Variants in CDC14A observed in about 807,000 individuals in gnomAD.
CDC14A encodes cell division cycle 14A, also known as dual specificity protein phosphatase CDC14A.
A neutral mutation model predicts 74.4 loss-of-function variants in CDC14A; 53 were observed. That is an observed-to-expected ratio of 0.71 (90% CI 0.57 to 0.89). The LOEUF is 0.89. CDC14A is among the 40% of genes least tolerant of loss of function. CDC14A has a pLI of 0.00. For synonymous variants in CDC14A, 247 were observed against 258.4 expected (o/e 0.96, Z 0.43); for missense variants, 646 against 713.7 (o/e 0.91, Z 1.08).
Position 100,352,560 on chromosome 1 carries a change from G to T in CDC14A, c.-395G>T. On this transcript the variant is annotated 5_prime_UTR_variant, in exon 1 of 16. Transcript: ENST00000336454. ...AGTCCTCCCGGCTGCCGCTCGAGTA[G>T]CCACGGGCGCGATCGGGACCAGAAG... The T allele has an allele frequency of 9.6e-7, 1 of 1,043,442 alleles. No individual in the cohort carries two copies. Among genetic ancestry groups the T allele is most frequent in the Non-Finnish European group, 1.2e-6 (1 of 867,712 alleles). 64.6% of individuals were successfully genotyped at this position (1,043,442 alleles called of 1,614,324 possible).
At chr1:100,474,611 T>G (rs12564306) in intron 10 of CDC14A, among the ~76,000 whole-genome samples, 3 of 149,676 alleles carry the variant, frequency 2.0e-5, no homozygotes, top group African/African-American at 4.9e-5. Flanking sequence ...TGGAGTGTGT[T>G]TTTTTTTTTT....
intron 11 of CDC14A, among the ~76,000 whole-genome samples, chr1:100,486,703 C>T (rs1215813649): frequency 6.6e-6 from 1 of 152,150 alleles, no homozygotes; most frequent in Non-Finnish European, 1.5e-5. Context: ...TAGCATCCCC[C>T]ATCATTATTT....
Position 100,491,544 on chromosome 1 carries a change from C to A in CDC14A, c.1138-3274C>A, listed in dbSNP as rs920786083. On this transcript the variant is annotated intron_variant, in intron 11 of 15. Coordinates refer to ENST00000336454, the MANE Select transcript of CDC14A (RefSeq NM_003672.4). The stretch of plus-strand genomic sequence containing the variant: ...TCTCTCTCTCTCTCTCTCTCTCTCT[C>A]TCTCTATATATATATATATATATAT... 7.9e-3 allele frequency among the ~76,000 whole-genome samples: 324 copies of A among 41,234 alleles called. 1 individual carries two copies. The highest frequency in any genetic ancestry group is 9.8e-3 in the African/African-American group (132 of 13,410). 27.1% of individuals were successfully genotyped at this position (41,234 alleles called of 152,430 possible). A position where few individuals can be genotyped will look rare whatever the true frequency, so the allele number is the denominator to read the frequency against.
intron 3 of CDC14A, among the ~76,000 whole-genome samples, chr1:100,390,477 A>G (rs1381638234): frequency 6.6e-6 from 1 of 152,202 alleles, no homozygotes; most frequent in Non-Finnish European, 1.5e-5. Context: ...TATTTTAATT[A>G]TTTTCCACCA....
chr1:100,519,330 A>G lies in CDC14A; in HGVS notation c.*1050A>G, dbSNP rs1286236799. 1.3e-5 allele frequency: 2 copies of G among 152,164 alleles called. No homozygotes were observed. Among genetic ancestry groups the G allele is most frequent in the African/African-American group, 2.4e-5 (1 of 41,460 alleles). The allele number at this position is 152,164 out of a possible 1,614,324, so 9.4% of individuals were successfully genotyped here. A position where few individuals can be genotyped will look rare whatever the true frequency, so the allele number is the denominator to read the frequency against. On this transcript the variant is annotated 3_prime_UTR_variant, in exon 16 of 16. Transcript: ENST00000336454. ...ACAACCCCCTGCTGCACACGCTAGC[A>G]TATCTGGAACCTACTATGAAAATGA...
chr1:100,449,606 C>T (rs1171584888), intron 7 of CDC14A, among the ~76,000 whole-genome samples: 1 of 152,168 alleles, frequency 6.6e-6, no homozygotes, highest in African/African-American at 2.4e-5. Flanking sequence ...CTGTTAAGTC[C>T]TTCTCAACCC....
chr1:100,427,757 G>C (rs954560014), intron 5 of CDC14A, among the ~76,000 whole-genome samples: 1 of 152,124 alleles, frequency 6.6e-6, no homozygotes, highest in African/African-American at 2.4e-5. Flanking sequence ...AGATGTTTAG[G>C]ACAACTTGGT....
intron 7 of CDC14A, among the ~76,000 whole-genome samples, chr1:100,450,318 T>G (rs1328751022): frequency 6.6e-6 from 1 of 152,216 alleles, no homozygotes; most frequent in Admixed American, 6.5e-5. Flanking sequence ...TTATGATGCT[T>G]CAAGACTTTG....
intron 5 of CDC14A, among the ~76,000 whole-genome samples, chr1:100,434,326 G>A (rs1664066229): frequency 6.6e-6 from 1 of 152,152 alleles, no homozygotes. Flanking sequence ...AGATGTGCAG[G>A]TTCTGTAGGA....
chr1:100,418,201 G>A (rs966091812), intron 4 of CDC14A, among the ~76,000 whole-genome samples: 1 of 151,996 alleles, frequency 6.6e-6, no homozygotes, highest in Non-Finnish European at 1.5e-5. Flanking sequence ...TTAACTTTTT[G>A]TTTTTATTGT....
intron 2 of CDC14A, among the ~76,000 whole-genome samples, chr1:100,354,600 A>G (rs1489410890): frequency 1.3e-5 from 2 of 152,268 alleles, no homozygotes; most frequent in Non-Finnish European, 2.9e-5. Context: ...TAAAACATTA[A>G]TTGAAGAGAG....
intron 8 of CDC14A, among the ~76,000 whole-genome samples, chr1:100,461,385 A>C (rs545277051): frequency 6.6e-6 from 1 of 152,370 alleles, no homozygotes; most frequent in East Asian, 1.9e-4. Context: ...CAGGGATCCA[A>C]GGCAGCAAGA....
At chr1:100,435,652 AAC>A (rs1211141895) in intron 5 of CDC14A, among the ~76,000 whole-genome samples, 1 of 151,926 alleles carries the variant, frequency 6.6e-6, no homozygotes, top group Non-Finnish European at 1.5e-5. Flanking sequence ...GACATGGTAA[AAC>A]CCTGTCTCTA....
chr1:100,438,722 C>T (rs892319862), intron 5 of CDC14A, among the ~76,000 whole-genome samples: 2 of 152,214 alleles, frequency 1.3e-5, no homozygotes, highest in African/African-American at 2.4e-5. Context: ...GTTAGGCTTT[C>T]GGGATGCTGA....
rs17420882 is a variant in CDC14A, at chr1:100,353,172, T to G, written c.49+169T>G. On this transcript the variant is annotated intron_variant, in intron 1 of 15. Coordinates refer to ENST00000336454, the MANE Select transcript of CDC14A (RefSeq NM_003672.4). Reference sequence around the variant, plus strand: ...TCTCCGAGGACCCCCTGCTTCCGGCTTCTCTTTCTTGTGTCCCTTGCTCCC... The same window carrying G: ...TCTCCGAGGACCCCCTGCTTCCGGCGTCTCTTTCTTGTGTCCCTTGCTCCC... Among the ~76,000 whole-genome samples, 33,922 of 152,168 alleles carry G rather than the reference T, an allele frequency of 0.22. 4,789 individuals are homozygous for G. Among genetic ancestry groups the G allele is most frequent in the South Asian group, 0.41 (1,953 of 4,822 alleles).
chr1:100,484,339 T>TC lies in CDC14A; in HGVS notation c.1025_1026insC (p.Lys343GlufsTer7), dbSNP rs1440062585. ...CAAGGAGACATTTTCCGATCCAAAC[T>TC]GAAAAATCGACCATCCAGTGAAGGA... On this transcript the variant is annotated frameshift_variant, in exon 11 of 16. Coordinates refer to ENST00000336454, the MANE Select transcript of CDC14A (RefSeq NM_003672.4). LOFTEE classifies it high-confidence loss of function. 2 of 1,604,490 alleles carry TC rather than the reference T, an allele frequency of 1.2e-6. No individual in the cohort carries two copies. The highest frequency in any genetic ancestry group is 3.4e-5 in the Admixed American group (2 of 58,782).
intron 4 of CDC14A, among the ~76,000 whole-genome samples, chr1:100,401,727 G>A (rs1553176605): frequency 6.6e-6 from 1 of 152,080 alleles, no homozygotes; most frequent in Non-Finnish European, 1.5e-5. Context: ...GCAGTCTCAG[G>A]ATAATTTCCA....
In CDC14A at chr1:100,376,144, G is replaced by A. The variant is rs138350026; in HGVS notation, c.141-1402G>A. ...AGGGGAACATCACACACCAGGGCCTGCCTGTCATGGGGTGGGGGGATGGGG... is the reference window on the plus strand; with the variant it reads ...AGGGGAACATCACACACCAGGGCCTACCTGTCATGGGGTGGGGGGATGGGG... On this transcript the variant is annotated intron_variant, in intron 2 of 15. Coordinates refer to ENST00000336454, the MANE Select transcript of CDC14A (RefSeq NM_003672.4). Among the ~76,000 whole-genome samples the A allele has an allele frequency of 4.6e-3, 704 of 152,124 alleles. 9 individuals are homozygous for A. Among genetic ancestry groups the A allele is most frequent in the African/African-American group, 0.016 (677 of 41,492 alleles).
rs374057396 is a variant in CDC14A, at chr1:100,515,896, T to C, written c.1756-2355T>C. On this transcript the variant is annotated intron_variant, in intron 15 of 15. Coordinates refer to ENST00000336454, the MANE Select transcript of CDC14A (RefSeq NM_003672.4). ...TCCTCTAGTGCTTAATAGATACAAC[T>C]TATGTTCAGTAATTATTTGTTGAAT... Among the ~76,000 whole-genome samples, 21 of 152,384 alleles carry C rather than the reference T, an allele frequency of 1.4e-4. No homozygotes were observed. In the South Asian group the frequency reaches 4.3e-3, roughly 32 times the overall value.
Sources: gnomAD v4.1 joint callset for allele counts (sites outside exome capture counted in the v4.1 genomes callset) on GRCh38, gnomAD v4.1.1 for gene constraint, MANE v1.5 for transcripts, NCBI Gene and HGNC (gene_info 2026-07-23, HGNC 2026-07-21) for gene names.